BOC: variants seen among roughly 807,000 people sequenced by gnomAD.
BOC encodes the protein brother of CDO.
BOC carries 76 observed loss-of-function variants against 112.0 expected under a neutral mutation model. The ratio of observed to expected loss-of-function variants is 0.68; its 90% CI spans 0.56 to 0.82. The LOEUF is 0.82. Among genes scored for constraint, BOC ranks in the 40% least tolerant of loss-of-function variants. The probability of loss-of-function intolerance (pLI) is 0.00; values close to 1 mark genes in which losing one functional copy is unlikely to be tolerated. For missense variants in BOC, 1,309 were observed against 1,511.7 expected (o/e 0.87, Z 2.22); for synonymous variants, 580 against 599.8 (o/e 0.97, Z 0.48).
rs373702780 is a variant in BOC at position 113,250,867 on chromosome 3, C to A, written c.376+34C>A. On this transcript the variant is annotated intron_variant, in intron 4 of 19. Transcript: ENST00000682979. ...GCTCCTTTGCCTCCCTGCCATGGTG[C>A]GGTCCCTCCTCATCTCTCCCACCCT... 12 of 1,608,400 alleles carry A rather than the reference C, an allele frequency of 7.5e-6. No individual in the cohort carries two copies. The East Asian group carries it at 8.9e-5, about 12-fold the overall frequency.
chr3:113,275,340 G>A (rs1448221450), intron 9 of BOC, among the ~76,000 whole-genome samples: 3 of 152,204 alleles, frequency 2.0e-5, no homozygotes, highest in Non-Finnish European at 2.9e-5. Context: ...GGAGTCTCGG[G>A]CTCTGACAGG....
intron 12 of BOC, 183 bp downstream of exon 12, chr3:113,279,638 G>C (rs1949001042): frequency 3.7e-6 from 3 of 810,456 alleles, no homozygotes; most frequent in Admixed American, 2.8e-5. Context: ...CTCCAGAAGA[G>C]CATCCAGAGC....
chr3:113,249,679 A>G, intron 2 of BOC, 43 bp from the exon 3 acceptor site: 1 of 741,670 alleles, frequency 1.3e-6, no homozygotes, highest in Non-Finnish European at 2.1e-6. Context: ...CACCCCAGGC[A>G]TCCTCATCAT....
chr3:113,215,764 G>C (rs1218166110), intron 1 of BOC, among the ~76,000 whole-genome samples: 1 of 152,212 alleles, frequency 6.6e-6, no homozygotes, highest in Non-Finnish European at 1.5e-5. Context: ...TTCAGTAGGA[G>C]CCACCTTCTC....
rs1553220 is a variant in BOC at position 113,286,908 on chromosome 3, A to T, written c.*46A>T. On this transcript the variant is annotated 3_prime_UTR_variant, in exon 20 of 20. Coordinates refer to ENST00000682979, the MANE Select transcript of BOC (RefSeq NM_001378074.1). Reference sequence around the variant, plus strand: ...AAGACTATATATTGTTTTTTTTTTAAAAAAAAAAAGAAGAAAAAAGAGACA... The same window carrying T: ...AAGACTATATATTGTTTTTTTTTTATAAAAAAAAAGAAGAAAAAAGAGACA... The T allele has an allele frequency of 0.056, 61,956 of 1,112,654 alleles. 1,780 individuals carry two copies. Among genetic ancestry groups the T allele is most frequent in the East Asian group, 0.16 (4,333 of 26,394 alleles). The allele number at this position is 1,112,654 out of a possible 1,614,324, so 68.9% of individuals were successfully genotyped here.
At chr3:113,271,398 C>A in intron 6 of BOC, 1 of 349,516 alleles carries the variant, frequency 2.9e-6, no homozygotes, top group Non-Finnish European at 5.7e-6. Context: ...CTGCACCACC[C>A]TCTGGTGAGC....
At chr3:113,231,608 C>T (rs1406760221) in intron 2 of BOC, among the ~76,000 whole-genome samples, 1 of 152,138 alleles carries the variant, frequency 6.6e-6, no homozygotes, top group Non-Finnish European at 1.5e-5. Flanking sequence ...CTCTCCCACT[C>T]TTGGTGATTC....
rs1948478192 is a variant in BOC, at chr3:113,274,656, C to T, written c.1516C>T (p.Leu506Phe). ...TGAGGGCAGTGGCCGGGCGCCAATC[C>T]TCTACTATGTGGTGAAACACCGCAA... is the stretch of plus-strand genomic sequence containing the variant. ...RHEGSGRAPI[L>F]YYVVKHRKQV... Residue 506 changes from leucine to phenylalanine, a missense_variant, in exon 9 of 20, where the codon CTC becomes TTC. Transcript: ENST00000682979. This position sits in a 1 kb window ranked among gnomAD's most constrained non-coding sequence, Gnocchi z 4.8. 1 of 1,605,550 alleles carries T rather than the reference C, an allele frequency of 6.2e-7. No homozygotes were observed. Among genetic ancestry groups the T allele is most frequent in the Non-Finnish European group, 8.5e-7 (1 of 1,174,178 alleles).
intron 2 of BOC, among the ~76,000 whole-genome samples, chr3:113,233,145 T>TGGGGGG (rs1553725800): frequency 2.9e-4 from 24 of 82,844 alleles, no homozygotes; most frequent in African/African-American, 8.8e-4. Context: ...TGTAAAGGAT[T>TGGGGGG]GGGGTGTGTG....
At chr3:113,243,100 T>C (rs1944507915) in intron 2 of BOC, among the ~76,000 whole-genome samples, 1 of 152,184 alleles carries the variant, frequency 6.6e-6, no homozygotes, top group Admixed American at 6.5e-5. Context: ...TCCCCAGTTT[T>C]CCTGTTCTCC....
rs146756379 is a variant in BOC, at chr3:113,273,671, A to G, written c.1234+330A>G. On this transcript the variant is annotated intron_variant, in intron 8 of 19. Transcript: ENST00000682979. Reference sequence around the variant, plus strand: ...GCCAGCTGAGCAGTGACCATGCTCAACCTAGGGAGAGGTAATGGGGATGCA... The same window carrying G: ...GCCAGCTGAGCAGTGACCATGCTCAGCCTAGGGAGAGGTAATGGGGATGCA... 1.2e-3 allele frequency among the ~76,000 whole-genome samples: 183 copies of G among 152,332 alleles called. 1 individual carries two copies. The highest frequency in any genetic ancestry group is 3.4e-3 in the Middle Eastern group (1 of 294).
intron 7 of BOC, 151 bp from the exon 8 acceptor site, chr3:113,272,918 C>T: frequency 1.8e-6 from 2 of 1,109,746 alleles, no homozygotes; most frequent in Non-Finnish European, 2.6e-6. Context: ...ATGGTGGAGA[C>T]ATCAGACCTC....
chr3:113,244,566 T>G (rs941429235), intron 2 of BOC, among the ~76,000 whole-genome samples: 3 of 152,226 alleles, frequency 2.0e-5, no homozygotes, highest in African/African-American at 7.2e-5. Context: ...AAGTTAAATT[T>G]AAAGAAAATT....
chr3:113,248,292 C>T (rs553554016), intron 2 of BOC, among the ~76,000 whole-genome samples: 1 of 152,206 alleles, frequency 6.6e-6, no homozygotes, highest in South Asian at 2.1e-4. Flanking sequence ...CGGGTGTCTC[C>T]TGTTTCTTAC....
intron 2 of BOC, among the ~76,000 whole-genome samples, chr3:113,248,829 T>C (rs1945256151): frequency 6.6e-6 from 1 of 152,136 alleles, no homozygotes; most frequent in Non-Finnish European, 1.5e-5. Flanking sequence ...AGGTGTGTTG[T>C]CAGATGGCTG....
chr3:113,228,831 G>A (rs752351007), intron 2 of BOC, among the ~76,000 whole-genome samples: 150 of 152,292 alleles, frequency 9.8e-4, no homozygotes, highest in Non-Finnish European at 1.9e-3. Flanking sequence ...GTGTAGCAGA[G>A]GCCTCAGGCA....
In BOC at chr3:113,273,313, C is replaced by A; in HGVS notation, c.1206C>A (p.Ala402=). The A allele has an allele frequency of 6.3e-7, 1 of 1,596,000 alleles. No individual in the cohort carries two copies. Among genetic ancestry groups the A allele is most frequent in the Non-Finnish European group, 8.6e-7 (1 of 1,165,816 alleles). Residue 402 remains alanine, a synonymous_variant, in exon 8 of 20, where the codon GCC becomes GCA. Coordinates refer to ENST00000682979, the MANE Select transcript of BOC (RefSeq NM_001378074.1). ...AGAACGAGGTTGGGAGCGCCCATGC[C>A]GTAGTCCAGCTGCGGACCTCCAGGC... ...MAENEVGSAH[A]VVQLRTSRPS...
rs760261257 is a variant in BOC at position 113,287,042 on chromosome 3, G to A, written c.*180G>A. On this transcript the variant is annotated 3_prime_UTR_variant, in exon 20 of 20. Coordinates refer to ENST00000682979, the MANE Select transcript of BOC (RefSeq NM_001378074.1). ...TGGAGAGACATAAGGAGTCCTACCC[G>A]TTGAGGTTGGAGAGGGAAAATAAAG... is the stretch of plus-strand genomic sequence containing the variant. 22 of 756,938 alleles carry A rather than the reference G, an allele frequency of 2.9e-5. No individual in the cohort carries two copies. The highest frequency in any genetic ancestry group is 1.2e-4 in the African/African-American group (7 of 57,662). The allele number at this position is 756,938 out of a possible 1,614,324, so 46.9% of individuals were successfully genotyped here. A position where few individuals can be genotyped will look rare whatever the true frequency, so the allele number is the denominator to read the frequency against.
At position 113,220,678 on chromosome 3, in the gene BOC, C is replaced by A. The variant is rs142483788; in HGVS notation, c.-82+4404C>A. ...CTTCTGTGGTTCTGTTTTTATTTCT[C>A]AGGGCAGGAGCCTGGATTAGAGGCA... On this transcript the variant is annotated intron_variant, in intron 2 of 19. Transcript: ENST00000682979. Among the ~76,000 whole-genome samples the A allele has an allele frequency of 2.1e-4, 32 of 152,252 alleles. No homozygotes were observed. The East Asian group carries it at 6.0e-3, about 28-fold the overall frequency.
Sources: gnomAD v4.1 joint callset for allele counts (sites outside exome capture counted in the v4.1 genomes callset) on GRCh38, gnomAD v4.1.1 for gene constraint, Gnocchi (gnomAD v3.1) non-coding constraint, MANE v1.5 for transcripts, NCBI Gene and HGNC (gene_info 2026-07-23, HGNC 2026-07-21) for gene names.